GLRA2: variants seen among roughly 807,000 people sequenced by gnomAD.
GLRA2 encodes the protein glycine receptor alpha 2.
A neutral mutation model predicts 31.6 loss-of-function variants in GLRA2; 11 were observed. That is an observed-to-expected ratio of 0.35 (90% CI 0.22 to 0.58). The LOEUF (loss-of-function observed/expected upper bound fraction) is 0.58. Ranked by LOEUF, GLRA2 falls within the 20% of genes least tolerant of loss-of-function variation. The pLI, the probability that GLRA2 is intolerant of heterozygous loss-of-function variation, is 0.84. For synonymous variants in GLRA2, 132 were observed against 134.0 expected (o/e 0.99, Z 0.10); for missense variants, 212 against 351.8 (o/e 0.60, Z 3.18).
intron 2 of GLRA2, among the ~76,000 whole-genome samples, chrX:14,563,954 A>AG (rs762192501): frequency 9.0e-6 from 1 of 111,519 alleles, no homozygotes; most frequent in Non-Finnish European, 1.9e-5. Flanking sequence ...AACAGAGCCT[A>AG]GGATACCAAT....
At chrX:14,547,078 C>T (rs1001639827) in intron 2 of GLRA2, among the ~76,000 whole-genome samples, 1 of 111,113 alleles carries the variant, frequency 9.0e-6, no homozygotes. Context: ...CAGAATGACA[C>T]CTTTAAAAAA....
chrX:14,468,441 C>T, the GLRA2 span, among the ~76,000 whole-genome samples: 2 of 111,563 alleles, frequency 1.8e-5, no homozygotes, highest in Admixed American at 1.9e-4. Context: ...TTGGATGGAG[C>T]CTCTGAATGT....
At chrX:14,473,024 G>A in the GLRA2 span, among the ~76,000 whole-genome samples, 14 of 111,347 alleles carry the variant, frequency 1.3e-4, no homozygotes, top group Non-Finnish European at 2.6e-4. Flanking sequence ...AGCTTCAGAT[G>A]TGTCTTAGAA....
chrX:14,605,162 C>A (rs936057974), intron 5 of GLRA2, among the ~76,000 whole-genome samples: 1 of 111,609 alleles, frequency 9.0e-6, no homozygotes, highest in East Asian at 2.8e-4. Context: ...TTGTAAAATG[C>A]AGAGAATAAT....
At chrX:14,553,878 A>C (rs1193493435) in intron 2 of GLRA2, among the ~76,000 whole-genome samples, 2 of 111,836 alleles carry the variant, frequency 1.8e-5, no homozygotes, top group Non-Finnish European at 3.8e-5. Flanking sequence ...CCATCAGAAA[A>C]TAATGGACTT....
At chrX:14,608,941 TG>T (rs1448384051) in intron 6 of GLRA2, 49 bp from the exon 7 acceptor site, 1 of 608,529 alleles carries the variant, frequency 1.6e-6, no homozygotes, top group African/African-American at 2.3e-5. Flanking sequence ...ATAATGGAAT[TG>T]GAAATATAAA....
At chrX:14,499,545 T>A in the GLRA2 span, among the ~76,000 whole-genome samples, 1 of 111,711 alleles carries the variant, frequency 9.0e-6, no homozygotes, top group South Asian at 3.7e-4. Context: ...AATGAAATAA[T>A]GTCCTTTGCA....
chrX:14,513,713 C>T, the GLRA2 span, among the ~76,000 whole-genome samples: 1 of 111,390 alleles, frequency 9.0e-6, no homozygotes, highest in Non-Finnish European at 1.9e-5. Context: ...AAACACAATG[C>T]AATACCACCT....
chrX:14,709,010 G>A (rs1043816770), intron 8 of GLRA2, among the ~76,000 whole-genome samples: 3 of 111,638 alleles, frequency 2.7e-5, no homozygotes, highest in Non-Finnish European at 5.6e-5. Flanking sequence ...AAAATATATC[G>A]TCTTAGAACC....
At chrX:14,710,749 C>T (rs1297510388) in intron 8 of GLRA2, among the ~76,000 whole-genome samples, 1 of 111,735 alleles carries the variant, frequency 8.9e-6, no homozygotes, top group Non-Finnish European at 1.9e-5. Flanking sequence ...CATAGCTTAT[C>T]AAATACATCT....
chrX:14,618,029 TTGGAACAAGTCTATA>T (rs1429652948), intron 7 of GLRA2, among the ~76,000 whole-genome samples: 2 of 112,238 alleles, frequency 1.8e-5, no homozygotes, highest in Admixed American at 9.5e-5. Flanking sequence ...TTTAGTGTCC[TTGGAACAAGTCTATA>T]ATAAGAATAT....
At chrX:14,693,146 G>T (rs960546580) in intron 8 of GLRA2, among the ~76,000 whole-genome samples, 1 of 110,039 alleles carries the variant, frequency 9.1e-6, no homozygotes, top group African/African-American at 3.3e-5. Context: ...ATGCAGTAAA[G>T]AAAAATAGAA....
At chrX:14,605,693 G>T (rs2090325990) in intron 5 of GLRA2, among the ~76,000 whole-genome samples, 1 of 111,749 alleles carries the variant, frequency 8.9e-6, no homozygotes, top group African/African-American at 3.2e-5. Flanking sequence ...GAAACATCAT[G>T]TTTACCACTA....
intron 7 of GLRA2, among the ~76,000 whole-genome samples, chrX:14,618,848 A>T (rs748081228): frequency 5.6e-4 from 62 of 111,701 alleles, no homozygotes; most frequent in Non-Finnish European, 7.5e-4. Flanking sequence ...GAGGCTGTAC[A>T]CATTTCTTTA....
intron 8 of GLRA2, among the ~76,000 whole-genome samples, chrX:14,701,547 T>C (rs1283966097): frequency 9.0e-6 from 1 of 110,557 alleles, no homozygotes; most frequent in Non-Finnish European, 1.9e-5. Flanking sequence ...GATGAATGGA[T>C]AAAAATATGA....
chrX:14,461,235 C>A, the GLRA2 span, among the ~76,000 whole-genome samples: 1 of 111,658 alleles, frequency 9.0e-6, no homozygotes, highest in Non-Finnish European at 1.9e-5. Context: ...GATTTCTGTT[C>A]TTTTACATTT....
chrX:14,555,577 T>G (rs2089630798), intron 2 of GLRA2, among the ~76,000 whole-genome samples: 1 of 111,980 alleles, frequency 8.9e-6, no homozygotes, highest in Non-Finnish European at 1.9e-5. Context: ...CGAAGAAGCA[T>G]GTAGCAGTGT....
chrX:14,605,559 T>A (rs961467442), intron 5 of GLRA2, among the ~76,000 whole-genome samples: 3 of 111,500 alleles, frequency 2.7e-5, no homozygotes, highest in African/African-American at 9.8e-5. Flanking sequence ...CTCCCCTGAC[T>A]CAACCCAACA....
intron 2 of GLRA2, among the ~76,000 whole-genome samples, chrX:14,564,658 C>T (rs964092390): frequency 3.6e-5 from 4 of 111,853 alleles, no homozygotes; most frequent in Non-Finnish European, 5.7e-5. Flanking sequence ...TTTTATTGTG[C>T]ATTCAATAAA....
Sources: gnomAD v4.1 joint callset for allele counts (sites outside exome capture counted in the v4.1 genomes callset) on GRCh38, gnomAD v4.1.1 for gene constraint, MANE v1.5 for transcripts, NCBI Gene and HGNC (gene_info 2026-07-23, HGNC 2026-07-21) for gene names.